Variants in MAPK8IP2 observed in about 807,000 individuals in gnomAD.
MAPK8IP2 encodes C-Jun-amino-terminal kinase-interacting protein 2.
In MAPK8IP2, 15 loss-of-function variants were observed where a neutral mutation model predicts 75.6. The ratio of observed to expected loss-of-function variants is 0.20; its 90% CI spans 0.13 to 0.31. The LOEUF (loss-of-function observed/expected upper bound fraction) is 0.31. MAPK8IP2 is among the 10% of genes least tolerant of loss of function. The pLI, the probability that MAPK8IP2 is intolerant of heterozygous loss-of-function variation, is 1.00. For synonymous variants in MAPK8IP2, 632 were observed against 554.5 expected, an observed-to-expected ratio of 1.14 and a Z score of -1.96; for missense variants, 1,089 against 1,211.2, an observed-to-expected ratio of 0.90 and a Z score of 1.50.
In MAPK8IP2 at chr22:50,605,713, G is replaced by A. The variant is rs752430605; in HGVS notation, c.1993G>A (p.Gly665Ser). ...FPAFYAHAVP[G>S]PAKDLLGSKR... ...TGCCTTCTACGCCCATGCGGTGCCC[G>A]GCCCTGCCAAGGACCTGCTGGGTGA... Residue 665 changes from glycine (G) to serine (S), a missense_variant, in exon 7 of 12, where the codon GGC (glycine) becomes AGC (serine). Gly to Ser is a moderately conservative substitution (Grantham distance 56). This residue lies in a region of MAPK8IP2 where 960 missense variants were observed against 1,009.6 expected (regional missense o/e 0.95). Coordinates refer to ENST00000329492, the MANE Select transcript of MAPK8IP2 (RefSeq NM_012324.6). The A allele has an allele frequency of 8.7e-6, 14 of 1,609,300 alleles. No individual in the cohort carries two copies. Among genetic ancestry groups the A allele is most frequent in the African/African-American group, 8.0e-5 (6 of 74,900 alleles).
In MAPK8IP2 at chr22:50,604,185, T is replaced by A; in HGVS notation, c.886T>A (p.Ser296Thr). Residue 296 changes from serine to threonine, a missense_variant, in exon 5 of 12, where the codon TCC becomes ACC. Transcript: ENST00000329492. Reference protein sequence around the residue: ...SSGRSSHLTNSIEEASSPASE... With the variant: ...SSGRSSHLTNTIEEASSPASE... ...CGGCCGCTCCTCGCACCTCACCAAC[T>A]CCATCGAGGAGGCCTCGTCGCCCGC... 1 of 1,546,806 alleles carries A rather than the reference T, an allele frequency of 6.5e-7. No individual in the cohort carries two copies. The highest frequency in any genetic ancestry group is 8.7e-7 in the Non-Finnish European group (1 of 1,154,432).
chr22:50,605,573 G>T lies in MAPK8IP2; in HGVS notation c.1853G>T (p.Arg618Leu). The T allele has an allele frequency of 6.3e-7, 1 of 1,588,460 alleles. No homozygotes were observed. Among genetic ancestry groups the T allele is most frequent in the Admixed American group, 1.8e-5 (1 of 56,752 alleles). ...TCCCCCAACGGCAGGTTCATCCCGC[G>T]GCATCCAGACGAGCTGGAGCTGGAT... ...THRAVFRFIP[R>L]HPDELELDVD... The change falls in exon 7 of 12, where the codon CGG (arginine) becomes CTG (leucine). Residue 618 changes from arginine to leucine, a missense_variant. This residue lies in a region of MAPK8IP2 where 960 missense variants were observed against 1,009.6 expected (regional missense o/e 0.95). Transcript: ENST00000329492.
In MAPK8IP2 at chr22:50,610,745, A is replaced by T; in HGVS notation, c.2441A>T (p.Tyr814Phe). Residue 814 changes from tyrosine to phenylalanine, a missense_variant, in exon 12 of 12, where the codon TAC becomes TTC. Physicochemically the swap from Tyr to Phe is conservative, Grantham distance 22. Coordinates refer to ENST00000329492, the MANE Select transcript of MAPK8IP2 (RefSeq NM_012324.6). The surrounding 1 kb of genome is among the most constrained non-coding windows in gnomAD (Gnocchi z 4.3). The part of the protein sequence containing the change: ...FLEYYQEHLA[Y>F]ACPTEDIYLE ...GAGTACTACCAAGAGCACCTGGCGTACGCCTGCCCCACGGAGGACATCTAC... is the reference window on the plus strand; with the variant it reads ...GAGTACTACCAAGAGCACCTGGCGTTCGCCTGCCCCACGGAGGACATCTAC... 1 of 1,611,154 alleles carries T rather than the reference A, an allele frequency of 6.2e-7. No homozygotes were observed. The highest frequency in any genetic ancestry group is 8.5e-7 in the Non-Finnish European group (1 of 1,178,994).
At position 50,603,887 on chromosome 22, in the gene MAPK8IP2, G is replaced by A. The variant is rs770882902; in HGVS notation, c.588G>A (p.Ala196=). 2.2e-5 allele frequency: 34 copies of A among 1,534,822 alleles called. No individual in the cohort carries two copies. Among genetic ancestry groups the A allele is most frequent in the Middle Eastern group, 3.8e-4 (2 of 5,278 alleles). Residue 196 remains alanine (A), a synonymous_variant, in exon 5 of 12, where the codon GCG becomes GCA. Coordinates refer to ENST00000329492, the MANE Select transcript of MAPK8IP2 (RefSeq NM_012324.6). The part of the protein sequence containing the change: ...LPATDTGPGG[A]QSPVRPGCDC... ...CCACGGACACCGGGCCCGGCGGGGC[G>A]CAGTCGCCAGTGCGCCCGGGTTGCG...
At chr22:50,609,617 C>T (rs1314466858) in intron 10 of MAPK8IP2, 9 of 386,854 alleles carry the variant, frequency 2.3e-5, no homozygotes, top group Admixed American at 8.6e-5. Flanking sequence ...GGTGGGGCAG[C>T]GTCCTGCTGC....
In MAPK8IP2 at chr22:50,604,314, C is replaced by T; in HGVS notation, c.1015C>T (p.Pro339Ser). The T allele has an allele frequency of 6.5e-7, 1 of 1,545,174 alleles. No homozygotes were observed. The highest frequency in any genetic ancestry group is 8.7e-7 in the Non-Finnish European group (1 of 1,152,384). ...GTACGAGTCGGGGTCGGAGTCGGAGCCGGACCTCAGCGAGGACGCGGACTC... is the reference window on the plus strand; with the variant it reads ...GTACGAGTCGGGGTCGGAGTCGGAGTCGGACCTCAGCGAGGACGCGGACTC... The part of the protein sequence containing the change: ...SEYESGSESE[P>S]DLSEDADSPW... The change falls in exon 5 of 12, where the codon CCG becomes TCG. Residue 339 changes from proline (P) to serine (S), a missense_variant. Transcript: ENST00000329492.
At position 50,604,204 on chromosome 22, in the gene MAPK8IP2, C is replaced by T; in HGVS notation, c.905C>T (p.Ser302Leu). The change falls in exon 5 of 12, where the codon TCG (serine) becomes TTG (leucine). Residue 302 changes from serine (S) to leucine (L), a missense_variant. Physicochemically the swap from Ser to Leu is moderately radical, Grantham distance 145. Transcript: ENST00000329492. ...ACCAACTCCATCGAGGAGGCCTCGT[C>T]GCCCGCCTCGGAGCCGGAGCCCCCG... ...HLTNSIEEAS[S>L]PASEPEPPRE... is the part of the protein sequence containing the mutation. 2 of 1,544,124 alleles carry T rather than the reference C, an allele frequency of 1.3e-6. No homozygotes were observed. Among genetic ancestry groups the T allele is most frequent in the Non-Finnish European group, 1.7e-6 (2 of 1,152,520 alleles).
Position 50,606,848 on chromosome 22 carries a change from G to C in MAPK8IP2, c.2233-73G>C. 3 of 1,592,602 alleles carry C rather than the reference G, an allele frequency of 1.9e-6. No individual in the cohort carries two copies. The South Asian group carries it at 3.3e-5, about 18-fold the overall frequency. ...CCGACGGGGCCAGGCTGGCAGGGGT[G>C]TCCAGTAGGTGGGAGGCAGGGGTGG... On this transcript the variant is annotated intron_variant, in intron 9 of 11. Transcript: ENST00000329492.
chr22:50,600,849 T>A lies in MAPK8IP2; in HGVS notation c.31T>A (p.Ser11Thr). MADRAEMFSL[S>T]TFHSLSPPGC... ...GGATCGCGCGGAGATGTTTTCTCTC[T>A]CCACCTTCCACTCGCTGTCGCCGCC... Residue 11 changes from serine to threonine, a missense_variant, in exon 1 of 12, where the codon TCC becomes ACC. By Grantham distance (58) the Ser-to-Thr change is moderately conservative (BLOSUM62 1). Coordinates refer to ENST00000329492, the MANE Select transcript of MAPK8IP2 (RefSeq NM_012324.6). 1 of 1,307,826 alleles carries A rather than the reference T, an allele frequency of 7.6e-7. No homozygotes were observed. The allele number at this position is 1,307,826 out of a possible 1,614,324, so 81.0% of individuals were successfully genotyped here. A position where few individuals can be genotyped will look rare whatever the true frequency, so the allele number is the denominator to read the frequency against.
chr22:50,602,785 G>A (rs763799664), intron 2 of MAPK8IP2, among the ~76,000 whole-genome samples: 13 of 152,214 alleles, frequency 8.5e-5, no homozygotes, highest in Admixed American at 2.0e-4. Context: ...CTGAACATCC[G>A]CTGAGCCCCA....
In MAPK8IP2 at chr22:50,602,091, C is replaced by A. The variant is rs139295091; in HGVS notation, c.171+197C>A. Among the ~76,000 whole-genome samples the A allele has an allele frequency of 2.5e-3, 379 of 152,286 alleles. 2 individuals are homozygous for A. Among genetic ancestry groups the A allele is most frequent in the African/African-American group, 8.8e-3 (367 of 41,550 alleles). On this transcript the variant is annotated intron_variant, in intron 2 of 11. Coordinates refer to ENST00000329492, the MANE Select transcript of MAPK8IP2 (RefSeq NM_012324.6). ...TATTCCAACACATTGCAGGCCTCCA[C>A]GCAGGGCCTTCCCCAGCATTCTCCC...
Position 50,610,370 on chromosome 22 carries a change from G to T in MAPK8IP2, c.2402+60G>T. ...GTGCAGGGTTACGGAGGTGGGGAGC[G>T]GAGGTGAGCAGGTGGGGGCAGGAGC... On this transcript the variant is annotated intron_variant, in intron 11 of 11. Transcript: ENST00000329492. The surrounding 1 kb of genome is among the most constrained non-coding windows in gnomAD (Gnocchi z 4.3). 1 of 1,434,010 alleles carries T rather than the reference G, an allele frequency of 7.0e-7. No homozygotes were observed. Among genetic ancestry groups the T allele is most frequent in the Non-Finnish European group, 9.6e-7 (1 of 1,041,842 alleles). 88.8% of individuals were successfully genotyped at this position (1,434,010 alleles called of 1,614,324 possible).
intron 10 of MAPK8IP2, chr22:50,609,843 G>T: frequency 1.9e-6 from 1 of 520,030 alleles, no homozygotes; most frequent in Non-Finnish European, 3.8e-6. Context: ...TAGGCCCGCA[G>T]GAGGAGGCCT....
Position 50,607,098 on chromosome 22 carries a change from T to C in MAPK8IP2, c.2303+107T>C. 4.7e-6 allele frequency: 4 copies of C among 858,942 alleles called. No individual in the cohort carries two copies. The South Asian group carries it at 5.7e-5, about 12-fold the overall frequency. 53.2% of individuals were successfully genotyped at this position (858,942 alleles called of 1,614,324 possible). A position where few individuals can be genotyped will look rare whatever the true frequency, so the allele number is the denominator to read the frequency against. ...CCTGAGGGCTGCCCGTGCCCAGCCC[T>C]GAGAGCTCCACCTGCACCCACTTAG... On this transcript the variant is annotated intron_variant, in intron 10 of 11. Transcript: ENST00000329492. This position sits in a 1 kb window ranked among gnomAD's most constrained non-coding sequence, Gnocchi z 5.6.
chr22:50,604,841 G>A lies in MAPK8IP2; in HGVS notation c.1542G>A (p.Val514=), dbSNP rs1187003333. Residue 514 remains valine, a synonymous_variant, in exon 5 of 12, where the codon GTG becomes GTA. Transcript: ENST00000329492. ...LVYDAVKYTL[V]VDEHTQLELV... is the part of the protein sequence containing the mutation. Reference sequence around the variant, plus strand: ...ACGACGCGGTCAAGTACACGCTGGTGGTGGATGAGCACACGCAGCTGGAGC... The same window carrying A: ...ACGACGCGGTCAAGTACACGCTGGTAGTGGATGAGCACACGCAGCTGGAGC... 6.3e-7 allele frequency: 1 copy of A among 1,583,930 alleles called. No individual in the cohort carries two copies. The highest frequency in any genetic ancestry group is 1.3e-5 in the African/African-American group (1 of 74,366).
chr22:50,607,334 T>C lies in MAPK8IP2; in HGVS notation c.2303+343T>C, dbSNP rs566634207. ...GTGACAGCGGTGGGGAAGTGGATCT[T>C]CCTGGTGGGGTCTAGCTGAGCCAAG... is the stretch of plus-strand genomic sequence containing the variant. On this transcript the variant is annotated intron_variant, in intron 10 of 11. Coordinates refer to ENST00000329492, the MANE Select transcript of MAPK8IP2 (RefSeq NM_012324.6). This position sits in a 1 kb window ranked among gnomAD's most constrained non-coding sequence, Gnocchi z 5.6. Among the ~76,000 whole-genome samples, 46 of 152,212 alleles carry C rather than the reference T, an allele frequency of 3.0e-4. No individual in the cohort carries two copies. Among genetic ancestry groups the C allele is most frequent in the Non-Finnish European group, 3.8e-4 (26 of 67,990 alleles).
intron 10 of MAPK8IP2, among the ~76,000 whole-genome samples, chr22:50,608,665 G>C (rs9616797): frequency 7.0e-6 from 1 of 143,112 alleles, no homozygotes; most frequent in Non-Finnish European, 1.5e-5. Flanking sequence ...ACAGCGGGCA[G>C]GGGCGCAGAC....
Position 50,610,304 on chromosome 22 carries a change from G to C in MAPK8IP2, c.2396G>C (p.Ser799Thr). 3 of 1,602,288 alleles carry C rather than the reference G, an allele frequency of 1.9e-6. No individual in the cohort carries two copies. Among genetic ancestry groups the C allele is most frequent in the Non-Finnish European group, 2.6e-6 (3 of 1,174,448 alleles). Reference sequence around the variant, plus strand: ...GAGTCCATGAGGCCGGTGGCGCAGAGTGTGGGGTGAGTGGGGCCCCAGGGT... The same window carrying C: ...GAGTCCATGAGGCCGGTGGCGCAGACTGTGGGGTGAGTGGGGCCCCAGGGT... Reference protein sequence around the residue: ...SQESMRPVAQSVGRAFLEYYQ... With the variant: ...SQESMRPVAQTVGRAFLEYYQ... The change falls in exon 11 of 12, where the codon AGT (serine) becomes ACT (threonine). Residue 799 changes from serine (S) to threonine (T), a missense_variant. By Grantham distance (58) the Ser-to-Thr change is moderately conservative. Around this residue, in one of 2 missense-constraint regions of MAPK8IP2, gnomAD observed 129 missense variants for 201.7 expected, o/e 0.64. Transcript: ENST00000329492. This position sits in a 1 kb window ranked among gnomAD's most constrained non-coding sequence, Gnocchi z 4.3.
intron 1 of MAPK8IP2, 130 bp from the exon 2 acceptor site, chr22:50,601,659 G>A: frequency 1.5e-6 from 1 of 654,682 alleles, no homozygotes; most frequent in East Asian, 2.7e-5. Flanking sequence ...GGCAGGATGT[G>A]TTCCGAGAGC....
Sources: allele counts gnomAD v4.1 joint callset (sites outside exome capture counted in the v4.1 genomes callset), GRCh38; gene constraint gnomAD v4.1.1; regional missense constraint gnomAD v4.1.1; non-coding constraint Gnocchi (gnomAD v3.1); transcripts MANE v1.5; gene names NCBI Gene and HGNC (gene_info 2026-07-23, HGNC 2026-07-21).